ORC1: variants seen among roughly 807,000 people sequenced by gnomAD.
ORC1 encodes origin recognition complex subunit 1.
Under a neutral mutation model 98.9 loss-of-function variants are expected in ORC1, and 61 were observed. That is an observed-to-expected ratio of 0.62 (90% CI 0.50 to 0.76). The LOEUF (loss-of-function observed/expected upper bound fraction) is 0.76, where lower values mean the gene tolerates loss of function less well. Among genes scored for constraint, ORC1 ranks in the 30% least tolerant of loss-of-function variants. The pLI is 0.00. For missense variants in ORC1, 979 were observed against 1,072.2 expected, an observed-to-expected ratio of 0.91 and a Z score of 1.21; for synonymous variants, 385 against 406.9, an observed-to-expected ratio of 0.95 and a Z score of 0.65.
chr1:52,377,854 T>C (rs1647014589), intron 14 of ORC1, among the ~76,000 whole-genome samples: 1 of 151,530 alleles, frequency 6.6e-6, no homozygotes. Context: ...CCAAGCCACA[T>C]ATGCATGGGA....
chr1:52,403,771 G>T (rs1647847802), intron 1 of ORC1, among the ~76,000 whole-genome samples: 1 of 152,036 alleles, frequency 6.6e-6, no homozygotes, highest in Non-Finnish European at 1.5e-5. Context: ...AAAAGATCTG[G>T]GTAGGAGCCC....
upstream of ORC1, chr1:52,404,872 A>G (rs200651968): frequency 3.1e-6 from 5 of 1,613,846 alleles, no homozygotes; most frequent in Admixed American, 5.0e-5. Context: ...AGTGCTTTGG[A>G]CTTACAGGTA....
In ORC1 at chr1:52,393,712, G is replaced by C. The variant is rs1175270856; in HGVS notation, c.813C>G (p.Ile271Met). Reference sequence around the variant, plus strand: ...GCTGAGATCTCTTAGAAGGTGAGGTGATCTCCGAGAAGGCCACTTTCCGTT... The same window carrying C: ...GCTGAGATCTCTTAGAAGGTGAGGTCATCTCCGAGAAGGCCACTTTCCGTT... ...RIKRKVAFSE[I>M]TSPSKRSQPD... is the part of the protein sequence containing the mutation. The change falls in exon 6 of 17, where the codon ATC (isoleucine) becomes ATG (methionine). Residue 271 changes from isoleucine to methionine, a missense_variant. Coordinates refer to ENST00000371568, the MANE Select transcript of ORC1 (RefSeq NM_004153.4). 1 of 1,613,984 alleles carries C rather than the reference G, an allele frequency of 6.2e-7. No individual in the cohort carries two copies. The highest frequency in any genetic ancestry group is 1.1e-5 in the South Asian group (1 of 91,036).
chr1:52,385,907 TA>T lies in ORC1; in HGVS notation c.1425del (p.Ser476ValfsTer18). 1 of 1,613,836 alleles carries T rather than the reference TA, an allele frequency of 6.2e-7. No individual in the cohort carries two copies. Reference protein sequence around the residue: ...RTPRCAAPQIRSRSLAAQEPA... With the variant: ...RTPRCAAPQIXSRSLAAQEPA... Reference sequence around the variant, plus strand: ...GGCTCCTGGGCAGCCAGGCTTCGACTACGGATCTGAGGAGCGGCACAACGTG... The same window carrying T: ...GGCTCCTGGGCAGCCAGGCTTCGACTCGGATCTGAGGAGCGGCACAACGTG... On this transcript the variant is annotated frameshift_variant, in exon 9 of 17. Coordinates refer to ENST00000371568, the MANE Select transcript of ORC1 (RefSeq NM_004153.4). LOFTEE classifies it high-confidence loss of function.
chr1:52,396,068 G>A lies in ORC1; in HGVS notation c.699C>T (p.Ala233=). The change falls in exon 5 of 17, where the codon GCC becomes GCT. Residue 233 remains alanine (A), a synonymous_variant. Transcript: ENST00000371568. ...QTPTHPLTPR[A]RKRLELGNLG... is the part of the protein sequence containing the mutation. ...TACTGCCAAGCTCCAGCCTCTTTCT[G>A]GCTCTTGGGGTAAGAGGATGGGTAG... is the stretch of plus-strand genomic sequence containing the variant. 6.2e-7 allele frequency: 1 copy of A among 1,614,166 alleles called. No individual in the cohort carries two copies. The highest frequency in any genetic ancestry group is 8.5e-7 in the Non-Finnish European group (1 of 1,180,016).
intron 14 of ORC1, among the ~76,000 whole-genome samples, chr1:52,379,795 T>C (rs982481224): frequency 1.1e-4 from 17 of 151,950 alleles, no homozygotes; most frequent in Non-Finnish European, 1.9e-4. Context: ...TAGCTGGGTG[T>C]GGTGGTGTGC....
chr1:52,386,098 T>G (rs1262260382), intron 8 of ORC1, 149 bp from the exon 9 acceptor site: 5 of 708,772 alleles, frequency 7.1e-6, no homozygotes, highest in Admixed American at 2.0e-5. Context: ...ACCATGACTC[T>G]CCCTCTCTCA....
At chr1:52,378,316 G>A (rs1483944816) in intron 14 of ORC1, among the ~76,000 whole-genome samples, 3 of 150,192 alleles carry the variant, frequency 2.0e-5, no homozygotes, top group African/African-American at 7.5e-5. Context: ...CTGCACTCCA[G>A]CCTGGGCAAC....
At chr1:52,408,756 A>T, upstream of ORC1, 1 of 1,568,146 alleles carries the variant, frequency 6.4e-7, no homozygotes, top group Admixed American at 1.7e-5. Flanking sequence ...CAGTACTTCT[A>T]CCTTTGCATT....
chr1:52,380,981 G>A (rs1318774407), intron 14 of ORC1, among the ~76,000 whole-genome samples: 1 of 152,164 alleles, frequency 6.6e-6, no homozygotes, highest in Non-Finnish European at 1.5e-5. Flanking sequence ...TCGGCAAGAG[G>A]AAACTAGAAA....
At chr1:52,393,026 G>A (rs992621526) in intron 6 of ORC1, among the ~76,000 whole-genome samples, 1 of 152,096 alleles carries the variant, frequency 6.6e-6, no homozygotes, top group Non-Finnish European at 1.5e-5. Flanking sequence ...TGTAACCGAA[G>A]ACCACCTGTT....
At chr1:52,374,009 C>T (rs189953667) in intron 16 of ORC1, among the ~76,000 whole-genome samples, 1 of 152,200 alleles carries the variant, frequency 6.6e-6, no homozygotes, top group Non-Finnish European at 1.5e-5. Context: ...GAGTCTATCC[C>T]CGTCCCAGCC....
intron 15 of ORC1, 65 bp from the exon 16 acceptor site, chr1:52,374,962 A>C: frequency 6.0e-6 from 6 of 1,001,104 alleles, no homozygotes; most frequent in Non-Finnish European, 9.6e-6. Flanking sequence ...GAGGAAAGCC[A>C]AAGAAAACTT....
intron 16 of ORC1, among the ~76,000 whole-genome samples, chr1:52,374,135 T>G (rs924407552): frequency 1.3e-5 from 2 of 152,154 alleles, no homozygotes; most frequent in African/African-American, 4.8e-5. Flanking sequence ...CAAACTAAAA[T>G]GAAAGTCACT....
Position 52,388,524 on chromosome 1 carries a change from C to G in ORC1, c.1301G>C (p.Arg434Thr), listed in dbSNP as rs747995537. The G allele has an allele frequency of 1.2e-6, 2 of 1,614,148 alleles. No homozygotes were observed. Among genetic ancestry groups the G allele is most frequent in the Non-Finnish European group, 1.7e-6 (2 of 1,180,008 alleles). Residue 434 changes from arginine (R) to threonine (T), a missense_variant, in exon 8 of 17, where the codon AGA (arginine) becomes ACA (threonine). By Grantham distance (71) the Arg-to-Thr change is moderately conservative. Transcript: ENST00000371568. ...EEASTPPLPR[R>T]APRTVSRNLR... The stretch of plus-strand genomic sequence containing the variant: ...GTTCCTGGACACAGTTCTGGGTGCT[C>G]TCCTTGGAAGGGGCGGTGTGGAAGC...
intron 14 of ORC1, among the ~76,000 whole-genome samples, chr1:52,376,062 G>C (rs961058432): frequency 6.6e-6 from 1 of 152,152 alleles, no homozygotes; most frequent in African/African-American, 2.4e-5. Flanking sequence ...CAATGGCTAA[G>C]AGGACCAGAA....
chr1:52,384,726 A>G lies in ORC1; in HGVS notation c.1584-5T>C. On this transcript the variant is annotated splice_polypyrimidine_tract_variant and splice_region_variant and intron_variant, in intron 10 of 16. Coordinates refer to ENST00000371568, the MANE Select transcript of ORC1 (RefSeq NM_004153.4). The stretch of plus-strand genomic sequence containing the variant: ...ACACCGGAGATGTACATGCACCTAG[A>G]GCAAGAGAGGAAAACCCGTGGGGTA... 1.2e-6 allele frequency: 2 copies of G among 1,612,782 alleles called. No homozygotes were observed. Among genetic ancestry groups the G allele is most frequent in the Non-Finnish European group, 1.7e-6 (2 of 1,179,586 alleles).
intron 16 of ORC1, among the ~76,000 whole-genome samples, chr1:52,374,325 T>C (rs1646968678): frequency 6.6e-6 from 1 of 152,228 alleles, no homozygotes; most frequent in South Asian, 2.1e-4. Context: ...TACACAAACA[T>C]ACACACTCTC....
At chr1:52,384,424 TC>T (rs1647114248) in intron 11 of ORC1, 125 bp downstream of exon 11, 1 of 882,352 alleles carries the variant, frequency 1.1e-6, no homozygotes, top group Admixed American at 1.8e-5. Flanking sequence ...CCTTGCTACC[TC>T]TACAGAAAGG....
Sources: gnomAD v4.1 joint callset for allele counts (sites outside exome capture counted in the v4.1 genomes callset) on GRCh38, gnomAD v4.1.1 for gene constraint, MANE v1.5 for transcripts, NCBI Gene and HGNC (gene_info 2026-07-23, HGNC 2026-07-21) for gene names.